The following TENM2 variants were observed in gnomAD, a reference collection of about 807,000 sequenced individuals.
TENM2 encodes teneurin-2.
A neutral mutation model predicts 245.2 loss-of-function variants in TENM2; 52 were observed. The observed-to-expected ratio is 0.21, with a 90% CI of 0.17 to 0.27. The LOEUF (loss-of-function observed/expected upper bound fraction) is 0.27, where lower values mean the gene tolerates loss of function less well. TENM2 is among the 10% of genes least tolerant of loss of function. The pLI, the probability that TENM2 is intolerant of heterozygous loss-of-function variation, is 1.00. For synonymous variants in TENM2, 1,363 were observed against 1,438.9 expected (o/e 0.95, Z 1.19); for missense variants, 3,046 against 3,666.8 (o/e 0.83, Z 4.37).
chr5:168,102,053 T>TTGTG lies in TENM2; in HGVS notation c.1813+3939_1813+3942dup, dbSNP rs5873087. 6.0e-3 allele frequency among the ~76,000 whole-genome samples: 904 copies of TTGTG among 151,104 alleles called. 17 individuals carry two copies. Among genetic ancestry groups the TTGTG allele is most frequent in the African/African-American group, 0.02 (837 of 41,176 alleles). ...TTATAGTTCCATAGTTTTTTTGTTTTTGTGTGTGTGTGTGTGCGTTTTGTT... is the reference window on the plus strand; with the variant it reads ...TTATAGTTCCATAGTTTTTTTGTTTTTGTGTGTGTGTGTGTGTGTGCGTTTTGTT... On this transcript the variant is annotated intron_variant, in intron 9 of 28. Coordinates refer to ENST00000518659, the Ensembl canonical transcript of TENM2.
chr5:167,317,076 C>CA (rs1027171508), intron 1 of TENM2, among the ~76,000 whole-genome samples: 5 of 152,046 alleles, frequency 3.3e-5, no homozygotes, highest in African/African-American at 1.2e-4. Context: ...GTATCATTAA[C>CA]CCTTGACACT....
At chr5:167,957,697 G>T (rs553780938) in intron 4 of TENM2, among the ~76,000 whole-genome samples, 4 of 152,288 alleles carry the variant, frequency 2.6e-5, no homozygotes, top group East Asian at 3.9e-4. Context: ...TGGTTTCAAA[G>T]AACTTATTTA....
At chr5:167,813,908 G>A (rs1392286976) in intron 2 of TENM2, among the ~76,000 whole-genome samples, 5 of 152,112 alleles carry the variant, frequency 3.3e-5, no homozygotes, top group African/African-American at 9.7e-5. Context: ...TTATGGCTCT[G>A]GTAACATGAA....
chr5:168,204,515 C>T (rs750141656), exon 19 of TENM2: 2 of 1,614,024 alleles, frequency 1.2e-6, no homozygotes, highest in Non-Finnish European at 1.7e-6. Context: ...GCTGCTGGCC[C>T]CAGTGGCTCT....
intron 11 of TENM2, among the ~76,000 whole-genome samples, chr5:168,125,482 G>A (rs865790191): frequency 2.6e-5 from 4 of 152,040 alleles, no homozygotes; most frequent in East Asian, 1.9e-4. Flanking sequence ...ATGAAGTCGC[G>A]CTGTACACTT....
At chr5:167,561,020 T>C (rs999839975) in intron 2 of TENM2, among the ~76,000 whole-genome samples, 4 of 152,168 alleles carry the variant, frequency 2.6e-5, no homozygotes, top group African/African-American at 7.2e-5. Context: ...AAAATGTCAA[T>C]CATGCCAGTT....
At chr5:168,135,407 T>C (rs1352528104) in intron 12 of TENM2, among the ~76,000 whole-genome samples, 1 of 152,210 alleles carries the variant, frequency 6.6e-6, no homozygotes, top group Non-Finnish European at 1.5e-5. Context: ...AGCTCTTCTT[T>C]AAAAGCTTGC....
chr5:168,229,499 A>AGAG (rs1764627559), intron 25 of TENM2: 1 of 150,718 alleles, frequency 6.6e-6, no homozygotes, highest in South Asian at 2.1e-4. Flanking sequence ...GGGAGATGGG[A>AGAG]GAGAGGGGTA....
At position 168,250,104 on chromosome 5, in the gene TENM2, G is replaced by GTGGATGGA. The variant is rs57452450; in HGVS notation, c.7432+1793_7432+1800dup. Among the ~76,000 whole-genome samples the GTGGATGGA allele has an allele frequency of 6.9e-4, 95 of 137,880 alleles. 1 individual carries two copies. Among genetic ancestry groups the GTGGATGGA allele is most frequent in the East Asian group, 2.1e-3 (9 of 4,286 alleles). The allele number at this position is 137,880 out of a possible 152,430, so 90.5% of individuals were successfully genotyped here. ...ACTGGATGGCTGGCTGGCTGGATGA[G>GTGGATGGA]TGGATGGATGGATGGATGGATGGAT... On this transcript the variant is annotated intron_variant, in intron 27 of 28. Transcript: ENST00000518659.
chr5:167,510,781 C>T (rs138869639), intron 2 of TENM2, among the ~76,000 whole-genome samples: 15 of 152,254 alleles, frequency 9.9e-5, no homozygotes, highest in African/African-American at 3.6e-4. Context: ...ATGATTATAT[C>T]TACGTCACTT....
chr5:167,562,001 G>A (rs1339734107), intron 2 of TENM2, among the ~76,000 whole-genome samples: 3 of 152,142 alleles, frequency 2.0e-5, no homozygotes, highest in African/African-American at 4.8e-5. Flanking sequence ...GGAAAAGGCC[G>A]GGTATGACTA....
intron 2 of TENM2, among the ~76,000 whole-genome samples, chr5:167,679,723 G>GGACC (rs975203509): frequency 1.3e-5 from 2 of 150,614 alleles, no homozygotes; most frequent in African/African-American, 4.9e-5. Context: ...TTTCTATTGT[G>GGACC]GACCAGTATT....
chr5:167,948,089 C>T (rs1294462237), intron 3 of TENM2, among the ~76,000 whole-genome samples: 1 of 152,152 alleles, frequency 6.6e-6, no homozygotes, highest in Non-Finnish European at 1.5e-5. Context: ...TCCTTAGAGC[C>T]CCTGAAAGTC....
the TENM2 span, among the ~76,000 whole-genome samples, chr5:167,151,057 C>T: frequency 6.6e-6 from 1 of 152,164 alleles, no homozygotes; most frequent in East Asian, 1.9e-4. Context: ...TGGCTTTTCT[C>T]AGTAAATCTG....
intron 5 of TENM2, among the ~76,000 whole-genome samples, chr5:168,003,868 A>G (rs1357416509): frequency 6.6e-6 from 1 of 152,238 alleles, no homozygotes; most frequent in East Asian, 1.9e-4. Context: ...ACATCAATCT[A>G]TATTTCAAGT....
At chr5:167,372,071 A>G (rs1760471291) in intron 1 of TENM2, among the ~76,000 whole-genome samples, 1 of 152,170 alleles carries the variant, frequency 6.6e-6, no homozygotes, top group African/African-American at 2.4e-5. Context: ...TGGAAAGTGA[A>G]GATGAAAAGG....
chr5:166,991,344 A>T, the TENM2 span, among the ~76,000 whole-genome samples: 1 of 151,840 alleles, frequency 6.6e-6, no homozygotes, highest in Non-Finnish European at 1.5e-5. Flanking sequence ...CATCAAATTG[A>T]TTTAAATTGG....
chr5:167,915,006 A>G (rs1330297326), intron 3 of TENM2, among the ~76,000 whole-genome samples: 1 of 152,214 alleles, frequency 6.6e-6, no homozygotes, highest in Admixed American at 6.5e-5. Flanking sequence ...GGACATCAAC[A>G]TATCTTTGTG....
the TENM2 span, among the ~76,000 whole-genome samples, chr5:167,092,908 A>G: frequency 5.9e-5 from 9 of 152,322 alleles, no homozygotes; most frequent in South Asian, 1.9e-3. Context: ...TGAAGATGAT[A>G]GGAATTACTA....
Sources: gnomAD v4.1 joint callset for allele counts (sites outside exome capture counted in the v4.1 genomes callset) on GRCh38, gnomAD v4.1.1 for gene constraint, MANE v1.5 for transcripts, NCBI Gene and HGNC (gene_info 2026-07-23, HGNC 2026-07-21) for gene names.